Variants in NR6A1 observed in about 807,000 individuals in gnomAD.
NR6A1 encodes retinoic acid receptor-related testis-associated receptor.
In NR6A1, 7 loss-of-function variants were observed where a neutral mutation model predicts 59.1. That is an observed-to-expected ratio of 0.12 (90% CI 0.07 to 0.22). NR6A1 has a LOEUF of 0.22. NR6A1 is among the 10% of genes least tolerant of loss of function. The pLI, the probability that NR6A1 is intolerant of heterozygous loss-of-function variation, is 1.00. For missense variants in NR6A1, 468 were observed against 611.6 expected, an observed-to-expected ratio of 0.77 and a Z score of 2.48; for synonymous variants, 243 against 236.1, an observed-to-expected ratio of 1.03 and a Z score of -0.27.
intron 1 of NR6A1, among the ~76,000 whole-genome samples, chr9:124,758,219 A>C (rs913784814): frequency 6.6e-6 from 1 of 152,176 alleles, no homozygotes; most frequent in East Asian, 1.9e-4. Context: ...CAGTAAAATG[A>C]TTGATGAATA....
intron 2 of NR6A1, among the ~76,000 whole-genome samples, chr9:124,657,380 T>C (rs1384368658): frequency 6.6e-6 from 1 of 152,208 alleles, no homozygotes; most frequent in Non-Finnish European, 1.5e-5. Flanking sequence ...TATGTTTAAG[T>C]ATCAATTTAG....
At chr9:124,643,303 T>C (rs1358209194) in intron 2 of NR6A1, among the ~76,000 whole-genome samples, 1 of 151,624 alleles carries the variant, frequency 6.6e-6, no homozygotes, top group Non-Finnish European at 1.5e-5. Flanking sequence ...CTATGAAATA[T>C]TTTAAAATTT....
intron 1 of NR6A1, among the ~76,000 whole-genome samples, chr9:124,748,422 T>C (rs1387805606): frequency 6.6e-6 from 1 of 152,180 alleles, no homozygotes; most frequent in Non-Finnish European, 1.5e-5. Flanking sequence ...CTATAAATCA[T>C]TCCTAATCTC....
At chr9:124,686,251 C>G (rs567547169) in intron 2 of NR6A1, among the ~76,000 whole-genome samples, 1 of 152,310 alleles carries the variant, frequency 6.6e-6, no homozygotes, top group East Asian at 1.9e-4. Context: ...ACTGATACAT[C>G]ATCTGCGCTT....
At chr9:124,615,702 A>T (rs1253797174) in intron 2 of NR6A1, among the ~76,000 whole-genome samples, 1 of 152,134 alleles carries the variant, frequency 6.6e-6, no homozygotes, top group Non-Finnish European at 1.5e-5. Context: ...GAGCTGAACA[A>T]GAGAAGACTG....
intron 2 of NR6A1, among the ~76,000 whole-genome samples, chr9:124,590,160 C>T (rs1248588268): frequency 1.3e-5 from 2 of 149,122 alleles, no homozygotes; most frequent in Non-Finnish European, 3.0e-5. Flanking sequence ...GAAAACATTT[C>T]GCTAATGGTA....
intron 8 of NR6A1, among the ~76,000 whole-genome samples, chr9:124,526,242 G>T (rs574749846): frequency 6.6e-6 from 1 of 152,178 alleles, no homozygotes; most frequent in East Asian, 1.9e-4. Context: ...AATCACATCT[G>T]GCATTCTTTT....
At chr9:124,742,062 T>C (rs909986604) in intron 1 of NR6A1, among the ~76,000 whole-genome samples, 1 of 152,210 alleles carries the variant, frequency 6.6e-6, no homozygotes, top group Non-Finnish European at 1.5e-5. Context: ...ACTTGGTAAT[T>C]TGACTTGATT....
intron 2 of NR6A1, among the ~76,000 whole-genome samples, chr9:124,638,093 A>T (rs1259820283): frequency 6.6e-6 from 1 of 151,814 alleles, no homozygotes; most frequent in Non-Finnish European, 1.5e-5. Flanking sequence ...ACAAAAAATT[A>T]AAATTTAAAA....
intron 2 of NR6A1, among the ~76,000 whole-genome samples, chr9:124,671,553 T>C (rs1038849767): frequency 6.6e-6 from 1 of 152,226 alleles, no homozygotes; most frequent in South Asian, 2.1e-4. Flanking sequence ...AGAAGTATTA[T>C]AGAATAAAAA....
At chr9:124,692,310 A>T in intron 2 of NR6A1, 1 of 269,008 alleles carries the variant, frequency 3.7e-6, no homozygotes, top group Non-Finnish European at 8.3e-6. Context: ...ACAGTTCATT[A>T]GTTCTCTGCT....
intron 2 of NR6A1, among the ~76,000 whole-genome samples, chr9:124,652,327 T>TGG (rs1837131686): frequency 6.6e-6 from 1 of 152,182 alleles, no homozygotes; most frequent in Non-Finnish European, 1.5e-5. Context: ...GAGAAGGGTA[T>TGG]GACTTTTAAA....
At chr9:124,671,678 A>AGTCATTCT (rs1465820155) in intron 2 of NR6A1, among the ~76,000 whole-genome samples, 1 of 152,232 alleles carries the variant, frequency 6.6e-6, no homozygotes, top group Non-Finnish European at 1.5e-5. Flanking sequence ...TAAAGGAAAA[A>AGTCATTCT]GTCATTCTTT....
At chr9:124,550,129 C>T (rs1833727139) in intron 3 of NR6A1, among the ~76,000 whole-genome samples, 1 of 152,136 alleles carries the variant, frequency 6.6e-6, no homozygotes, top group South Asian at 2.1e-4. Flanking sequence ...GTGACCTTCT[C>T]AGTGTTTCAT....
intron 2 of NR6A1, among the ~76,000 whole-genome samples, chr9:124,580,394 G>A (rs919410553): frequency 3.3e-5 from 5 of 152,048 alleles, no homozygotes; most frequent in Admixed American, 3.3e-4. Flanking sequence ...TCAGCTGAGG[G>A]TATGACCACA....
chr9:124,704,824 G>C (rs1397341097), intron 2 of NR6A1, among the ~76,000 whole-genome samples: 1 of 152,034 alleles, frequency 6.6e-6, no homozygotes, highest in Admixed American at 6.6e-5. Flanking sequence ...CTGCAGCCTC[G>C]AACTCCCAGG....
chr9:124,619,236 C>T (rs1398253432), intron 2 of NR6A1, among the ~76,000 whole-genome samples: 2 of 152,014 alleles, frequency 1.3e-5, no homozygotes, highest in Non-Finnish European at 2.9e-5. Context: ...ATAAAACAAG[C>T]TACACAATTA....
rs536981814 is a variant in NR6A1, at chr9:124,771,226, AGCTCCCGGCCGCG to A, written c.-120_-108del. Reference sequence around the variant, plus strand: ...GGGAGGAGGTTGTCAGGAGCCCGCGAGCTCCCGGCCGCGGCTCTCTCTGGGCCCCGAGCCGCCC... The same window carrying A: ...GGGAGGAGGTTGTCAGGAGCCCGCGAGCTCTCTCTGGGCCCCGAGCCGCCC... On this transcript the variant is annotated 5_prime_UTR_variant, in exon 1 of 10. Transcript: ENST00000487099. 2,034 of 579,638 alleles carry A rather than the reference AGCTCCCGGCCGCG, an allele frequency of 3.5e-3. 20 individuals are homozygous for A. The highest frequency in any genetic ancestry group is 0.022 in the South Asian group (251 of 11,472). 35.9% of individuals were successfully genotyped at this position (579,638 alleles called of 1,614,324 possible).
Position 124,590,061 on chromosome 9 carries a change from C to CAAAAAAAAAAAAAAAAAAA in NR6A1, c.143-35510_143-35492dup, listed in dbSNP as rs71372976. Among the ~76,000 whole-genome samples the CAAAAAAAAAAAAAAAAAAA allele has an allele frequency of 1.9e-4, 6 of 30,894 alleles. 1 individual carries two copies. The highest frequency in any genetic ancestry group is 5.2e-4 in the African/African-American group (5 of 9,584). The allele number at this position is 30,894 out of a possible 152,430, so 20.3% of individuals were successfully genotyped here. A position where few individuals can be genotyped will look rare whatever the true frequency, so the allele number is the denominator to read the frequency against. On this transcript the variant is annotated intron_variant, in intron 2 of 9. Transcript: ENST00000487099. ...GCCTGGTGACAGAGCAAGACTCTGT[C>CAAAAAAAAAAAAAAAAAAA]AAAAAAAAAAAAAAAAAAAAAAAAA...
Sources: gnomAD v4.1 joint callset for allele counts (sites outside exome capture counted in the v4.1 genomes callset) on GRCh38, gnomAD v4.1.1 for gene constraint, MANE v1.5 for transcripts, NCBI Gene and HGNC (gene_info 2026-07-23, HGNC 2026-07-21) for gene names.